CDKAL1: variants seen among roughly 807,000 people sequenced by gnomAD.
CDKAL1 encodes the protein CDKAL1 threonylcarbamoyladenosine tRNA methylthiotransferase.
CDKAL1 carries 32 observed loss-of-function variants against 68.2 expected under a neutral mutation model. The ratio of observed to expected loss-of-function variants is 0.47; its 90% CI spans 0.35 to 0.63. The LOEUF (loss-of-function observed/expected upper bound fraction) is 0.63. CDKAL1 is among the 30% of genes least tolerant of loss of function. CDKAL1 has a pLI of 0.00. For missense variants in CDKAL1, 606 were observed against 696.7 expected (o/e 0.87, Z 1.47); for synonymous variants, 234 against 244.3 (o/e 0.96, Z 0.39).
intron 12 of CDKAL1, among the ~76,000 whole-genome samples, chr6:21,074,134 C>T (rs150995904): frequency 3.3e-5 from 5 of 152,264 alleles, no homozygotes; most frequent in African/African-American, 7.2e-5. Flanking sequence ...TATTATCTGA[C>T]GATTCTAGAG....
intron 11 of CDKAL1, among the ~76,000 whole-genome samples, chr6:21,010,676 A>G (rs1183215014): frequency 6.6e-6 from 1 of 152,174 alleles, no homozygotes; most frequent in African/African-American, 2.4e-5. Context: ...GTTCTAGTCG[A>G]CTTTGCAGTA....
At chr6:20,771,495 A>C (rs1774939807) in intron 7 of CDKAL1, among the ~76,000 whole-genome samples, 1 of 152,166 alleles carries the variant, frequency 6.6e-6, no homozygotes, top group South Asian at 2.1e-4. Flanking sequence ...ACTGCTTCCC[A>C]TCTCTTCTGT....
chr6:20,761,171 ATGTC>A (rs1391078980), intron 7 of CDKAL1, among the ~76,000 whole-genome samples: 3 of 152,260 alleles, frequency 2.0e-5, no homozygotes, highest in African/African-American at 7.2e-5. Flanking sequence ...TTGACATCGT[ATGTC>A]TGTCATTAGT....
At chr6:20,556,858 A>C (rs1400986340) in intron 4 of CDKAL1, among the ~76,000 whole-genome samples, 1 of 151,950 alleles carries the variant, frequency 6.6e-6, no homozygotes, top group Non-Finnish European at 1.5e-5. Flanking sequence ...TAACACGGTG[A>C]AATCCTGTCT....
chr6:20,758,467 A>T (rs1774324865), intron 6 of CDKAL1, 128 bp from the exon 7 acceptor site: 2 of 664,232 alleles, frequency 3.0e-6, no homozygotes, highest in Non-Finnish European at 5.1e-6. Flanking sequence ...TAGTGTCTCC[A>T]AATACATTAA....
chr6:20,678,293 G>GA (rs1409148589), intron 5 of CDKAL1, among the ~76,000 whole-genome samples: 1 of 151,952 alleles, frequency 6.6e-6, no homozygotes, highest in Admixed American at 6.6e-5. Context: ...GCTGGGCATG[G>GA]AAAAAACAAA....
intron 15 of CDKAL1, among the ~76,000 whole-genome samples, chr6:21,226,017 A>C (rs1399017449): frequency 3.3e-5 from 5 of 152,210 alleles, no homozygotes; most frequent in Admixed American, 3.3e-4. Context: ...TGGAGGCAAA[A>C]AGAGGATAAA....
At chr6:20,879,219 A>G (rs1399131229) in intron 9 of CDKAL1, among the ~76,000 whole-genome samples, 1 of 152,252 alleles carries the variant, frequency 6.6e-6, no homozygotes, top group African/African-American at 2.4e-5. Flanking sequence ...TAGAGAACCC[A>G]CAAAACCTCT....
chr6:20,915,291 G>A (rs548355446), intron 9 of CDKAL1, among the ~76,000 whole-genome samples: 1 of 151,996 alleles, frequency 6.6e-6, no homozygotes, highest in Non-Finnish European at 1.5e-5. Context: ...TTGAACCACA[G>A]TTGTTTACAC....
chr6:20,545,187 A>C (rs1255025624), intron 2 of CDKAL1, among the ~76,000 whole-genome samples: 1 of 151,726 alleles, frequency 6.6e-6, no homozygotes, highest in Non-Finnish European at 1.5e-5. Context: ...AACTCATCAT[A>C]TTCCTTGGGT....
chr6:21,060,691 A>C (rs1771099271), intron 11 of CDKAL1, among the ~76,000 whole-genome samples: 1 of 152,158 alleles, frequency 6.6e-6, no homozygotes, highest in Non-Finnish European at 1.5e-5. Flanking sequence ...TCATATATTT[A>C]GATGTGTTAT....
chr6:20,558,006 C>T (rs945025033), intron 4 of CDKAL1, among the ~76,000 whole-genome samples: 3 of 152,168 alleles, frequency 2.0e-5, no homozygotes, highest in Non-Finnish European at 4.4e-5. Flanking sequence ...ACTTTTCTTC[C>T]TGTGGAAATG....
chr6:21,182,357 T>C (rs913698302), intron 13 of CDKAL1, among the ~76,000 whole-genome samples: 2 of 152,228 alleles, frequency 1.3e-5, no homozygotes, highest in Non-Finnish European at 2.9e-5. Flanking sequence ...CATTTACATT[T>C]ATTGAGAACC....
chr6:20,846,322 G>A, intron 9 of CDKAL1, 144 bp downstream of exon 9: 1 of 582,002 alleles, frequency 1.7e-6, no homozygotes, highest in Admixed American at 3.3e-5. Flanking sequence ...TAAAAGATGT[G>A]ACCAGAGTTA....
chr6:20,748,025 G>T lies in CDKAL1; in HGVS notation c.468+8410G>T, dbSNP rs546986238. On this transcript the variant is annotated intron_variant, in intron 6 of 15. Coordinates refer to ENST00000274695, the MANE Select transcript of CDKAL1 (RefSeq NM_017774.3). The stretch of plus-strand genomic sequence containing the variant: ...AATCTGGAGCTGATTTTTATGTATG[G>T]TGTAGTATACAGATTCAATGCAGTT... Among the ~76,000 whole-genome samples the T allele has an allele frequency of 3.3e-5, 5 of 152,242 alleles. No homozygotes were observed. In the South Asian group the frequency reaches 1.0e-3, roughly 32 times the overall value.
intron 4 of CDKAL1, among the ~76,000 whole-genome samples, chr6:20,603,754 T>C (rs1766207705): frequency 6.8e-6 from 1 of 147,256 alleles, no homozygotes; most frequent in African/African-American, 2.5e-5. Context: ...CATTGATTAA[T>C]GGGCAGTTGC....
chr6:21,096,502 A>G (rs1178094820), intron 12 of CDKAL1, among the ~76,000 whole-genome samples: 1 of 152,236 alleles, frequency 6.6e-6, no homozygotes, highest in African/African-American at 2.4e-5. Context: ...CTTAATGACA[A>G]TGTAGAAATA....
At chr6:20,747,456 A>C (rs975811246) in intron 6 of CDKAL1, among the ~76,000 whole-genome samples, 2 of 152,198 alleles carry the variant, frequency 1.3e-5, no homozygotes, top group Non-Finnish European at 2.9e-5. Flanking sequence ...CCAACAGTGC[A>C]TAACGGTTCT....
chr6:20,707,756 A>G (rs1771667410), intron 5 of CDKAL1, among the ~76,000 whole-genome samples: 1 of 152,262 alleles, frequency 6.6e-6, no homozygotes, highest in South Asian at 2.1e-4. Context: ...TTGTGCTGGT[A>G]TAGTGCCTCA....
Sources: gnomAD v4.1 joint callset for allele counts (sites outside exome capture counted in the v4.1 genomes callset) on GRCh38, gnomAD v4.1.1 for gene constraint, MANE v1.5 for transcripts, NCBI Gene and HGNC (gene_info 2026-07-23, HGNC 2026-07-21) for gene names.